Variants in ABL2 observed in about 807,000 individuals in gnomAD.
ABL2 encodes tyrosine-protein kinase ABL2.
In ABL2, 49 loss-of-function variants were observed where a neutral mutation model predicts 107.7. The observed-to-expected ratio is 0.45, with a 90% CI of 0.36 to 0.58. ABL2 has a LOEUF of 0.58. Ranked by LOEUF, ABL2 falls within the 20% of genes least tolerant of loss-of-function variation. The pLI is 0.00. For missense variants in ABL2, 1,245 were observed against 1,457.0 expected, an observed-to-expected ratio of 0.85 and a Z score of 2.37; for synonymous variants, 549 against 548.6, an observed-to-expected ratio of 1.00 and a Z score of -0.01.
At chr1:179,201,490 C>A in intron 1 of ABL2, 2 of 244,726 alleles carry the variant, frequency 8.2e-6, no homozygotes, top group East Asian at 1.2e-4. Context: ...GATAGTAATC[C>A]AAGGTGATTC....
chr1:179,132,671 C>T (rs1226080218), intron 2 of ABL2, among the ~76,000 whole-genome samples: 1 of 151,530 alleles, frequency 6.6e-6, no homozygotes, highest in African/African-American at 2.4e-5. Context: ...TCCCAAGTAG[C>T]TGGGATTACA....
chr1:179,160,884 C>A (rs186336166), intron 1 of ABL2, among the ~76,000 whole-genome samples: 38 of 152,274 alleles, frequency 2.5e-4, no homozygotes, highest in Non-Finnish European at 4.9e-4. Context: ...ACTACAAGCA[C>A]AAGCCACCAC....
chr1:179,175,336 C>A (rs916720215), intron 1 of ABL2, among the ~76,000 whole-genome samples: 1 of 149,102 alleles, frequency 6.7e-6, no homozygotes, highest in Non-Finnish European at 1.5e-5. Flanking sequence ...AGATGTTAGA[C>A]CAGGCTGACA....
In ABL2 at chr1:179,108,404, CCT is replaced by C. The variant is rs780911673; in HGVS notation, c.2861_2862del (p.Gln954ArgfsTer3). ...ADVQLIGTDSQGNKFKLLSEH... is the reference protein window; with the variant it reads ...ADVQLIGTDSXGNKFKLLSEH... ...TCAGATAAGAGCTTGAATTTATTCC[CCT>C]GAGAGTCTGTGCCAATGAGCTGCAC... On this transcript the variant is annotated frameshift_variant, in exon 12 of 12. Transcript: ENST00000502732. LOFTEE classifies it high-confidence loss of function. 6.8e-6 allele frequency: 11 copies of C among 1,614,104 alleles called. No individual in the cohort carries two copies. Among genetic ancestry groups the C allele is most frequent in the African/African-American group, 2.7e-5 (2 of 74,930 alleles).
rs565780289 is a variant in ABL2, at chr1:179,110,898, T to C, written c.1652-443A>G. 3 of 1,610,798 alleles carry C rather than the reference T, an allele frequency of 1.9e-6. No homozygotes were observed. In the African/African-American group the frequency reaches 4.0e-5, roughly 21 times the overall value. ...TCAGGTTTATTAGGCCCTGCCAACC[T>C]GTCCCCAAATAGCGATACTATTTTG... On this transcript the variant is annotated intron_variant, in intron 10 of 11. Transcript: ENST00000502732.
At chr1:179,118,789 T>C in intron 6 of ABL2, 25 bp from the exon 7 acceptor site, 1 of 1,610,280 alleles carries the variant, frequency 6.2e-7, no homozygotes, top group Non-Finnish European at 8.5e-7. Context: ...ATAGTGCTTG[T>C]TTTTATTAGT....
At chr1:179,155,735 A>G (rs770047766) in intron 1 of ABL2, among the ~76,000 whole-genome samples, 1 of 88,374 alleles carries the variant, frequency 1.1e-5, no homozygotes, top group Non-Finnish European at 2.1e-5. Context: ...CATCTCAATT[A>G]AAAAAAAAAA....
At chr1:179,135,750 C>T (rs545068158) in intron 1 of ABL2, among the ~76,000 whole-genome samples, 127 of 143,826 alleles carry the variant, frequency 8.8e-4, no homozygotes, top group African/African-American at 3.0e-3. Context: ...CTCTGCCCGG[C>T]CAGCTGCCCC....
chr1:179,152,974 T>G (rs1478385487), intron 1 of ABL2, among the ~76,000 whole-genome samples: 3 of 151,528 alleles, frequency 2.0e-5, no homozygotes. Context: ...AAAGAAAGAG[T>G]TGCAAGAACA....
At chr1:179,153,441 C>T (rs548175939) in intron 1 of ABL2, among the ~76,000 whole-genome samples, 33 of 152,228 alleles carry the variant, frequency 2.2e-4, no homozygotes, top group African/African-American at 6.5e-4. Flanking sequence ...GCGGGAGACT[C>T]CAAGGAGAAT....
chr1:179,158,285 G>A (rs979675874), intron 1 of ABL2, among the ~76,000 whole-genome samples: 2 of 152,110 alleles, frequency 1.3e-5, no homozygotes, highest in Non-Finnish European at 2.9e-5. Context: ...ATAGAGAATG[G>A]GAGAGAAATA....
At position 179,226,514 on chromosome 1, in the gene ABL2, G is replaced by T. The variant is rs138353111; in HGVS notation, c.157+2727C>A. Among the ~76,000 whole-genome samples the T allele has an allele frequency of 2.5e-3, 376 of 151,912 alleles. 5 individuals carry two copies. The highest frequency in any genetic ancestry group is 8.8e-3 in the African/African-American group (365 of 41,434). ...AGTACAGACGAGGTTTCACCATGTT[G>T]CTCAGGCTGGTCTCGAACTCCTGAC... On this transcript the variant is annotated intron_variant, in intron 1 of 11. Coordinates refer to ENST00000502732, the MANE Select transcript of ABL2 (RefSeq NM_007314.4).
rs1652914020 is a variant in ABL2, at chr1:179,099,422, C to T, written c.*8296G>A. 4.7e-6 allele frequency: 1 copy of T among 213,358 alleles called. No homozygotes were observed. The highest frequency in any genetic ancestry group is 9.5e-6 in the Non-Finnish European group (1 of 105,624). 13.2% of individuals were successfully genotyped at this position (213,358 alleles called of 1,614,324 possible). ...AGAGAAAGCAGTCCCTTTCAAGGGCCTCATTTATTTACATCAAGTTTAACA... is the reference window on the plus strand; with the variant it reads ...AGAGAAAGCAGTCCCTTTCAAGGGCTTCATTTATTTACATCAAGTTTAACA... On this transcript the variant is annotated 3_prime_UTR_variant, in exon 12 of 12. Transcript: ENST00000502732.
chr1:179,197,058 C>G (rs1297822831), intron 1 of ABL2, among the ~76,000 whole-genome samples: 2 of 151,912 alleles, frequency 1.3e-5, no homozygotes, highest in Admixed American at 6.6e-5. Context: ...AACATGAGGA[C>G]AGAATAGAAT....
chr1:179,133,761 C>A (rs570446383), intron 1 of ABL2, among the ~76,000 whole-genome samples: 2 of 152,160 alleles, frequency 1.3e-5, no homozygotes, highest in Admixed American at 1.3e-4. Context: ...CTATATACTA[C>A]GTTTTTCCTA....
intron 1 of ABL2, among the ~76,000 whole-genome samples, chr1:179,165,114 T>C (rs1316306366): frequency 2.0e-5 from 3 of 152,004 alleles, no homozygotes; most frequent in Admixed American, 1.3e-4. Context: ...CATGATGAGA[T>C]GAAGTGAGGT....
intron 1 of ABL2, among the ~76,000 whole-genome samples, chr1:179,144,499 C>G (rs1478600288): frequency 6.6e-6 from 1 of 152,060 alleles, no homozygotes; most frequent in Non-Finnish European, 1.5e-5. Context: ...AACTGTGTAT[C>G]TGAGAACACT....
rs747516775 is a variant in ABL2 at position 179,229,301 on chromosome 1, G to C, written c.97C>G (p.Arg33Gly). 6.3e-7 allele frequency: 1 copy of C among 1,579,314 alleles called. No homozygotes were observed. The highest frequency in any genetic ancestry group is 8.6e-7 in the Non-Finnish European group (1 of 1,164,898). ...GTGCGCCCCGCCGGGTCCCGCCTGC[G>C]GCCGGAGGGCCTGGCTGCACTGCTG... is the stretch of plus-strand genomic sequence containing the variant. ...RGSSAARPSG[R>G]RRDPAGRTTE... The change falls in exon 1 of 12, where the codon CGC (arginine) becomes GGC (glycine). Residue 33 changes from arginine to glycine, a missense_variant. Coordinates refer to ENST00000502732, the MANE Select transcript of ABL2 (RefSeq NM_007314.4).
intron 9 of ABL2, among the ~76,000 whole-genome samples, chr1:179,113,799 CGGCCGGCGCCT>C (rs1335878725): frequency 6.6e-6 from 1 of 152,062 alleles, no homozygotes; most frequent in Non-Finnish European, 1.5e-5. Flanking sequence ...GGCGTGGTGG[CGGCCGGCGCCT>C]ATAGTCCCAG....
Sources: allele counts gnomAD v4.1 joint callset (sites outside exome capture counted in the v4.1 genomes callset), GRCh38; gene constraint gnomAD v4.1.1; transcripts MANE v1.5; gene names NCBI Gene and HGNC (gene_info 2026-07-23, HGNC 2026-07-21).